The following HOXC4 variants were observed in gnomAD, a reference collection of about 807,000 sequenced individuals.
HOXC4 encodes homeobox protein Hox-C4.
HOXC4 carries 15 observed loss-of-function variants against 25.5 expected under a neutral mutation model. That is an observed-to-expected ratio of 0.59 (90% confidence interval 0.39 to 0.91). HOXC4 has a LOEUF of 0.91. HOXC4 is among the 40% of genes least tolerant of loss of function. The pLI, the probability that HOXC4 is intolerant of heterozygous loss-of-function variation, is 0.00. For missense variants in HOXC4, 342 were observed against 352.4 expected (o/e 0.97, Z 0.24); for synonymous variants, 165 against 148.0 (o/e 1.11, Z -0.83).
intron 1 of HOXC4, chr12:54,029,506 T>TG (rs1940898526): frequency 2.1e-6 from 1 of 487,190 alleles, no homozygotes; most frequent in Middle Eastern, 7.4e-4. Flanking sequence ...CCAGTGGGGG[T>TG]GGGGCAAGGC....
At chr12:54,029,035 C>T (rs1474625982) in intron 1 of HOXC4, 3 of 1,017,204 alleles carry the variant, frequency 2.9e-6, no homozygotes, top group Admixed American at 2.7e-5. Context: ...AACAATCACG[C>T]TCGTCTCCTC....
At chr12:54,033,036 G>T in intron 1 of HOXC4, 2 of 1,073,562 alleles carry the variant, frequency 1.9e-6, no homozygotes, top group Non-Finnish European at 2.7e-6. Flanking sequence ...TGTCCACTTT[G>T]GAGAACAAAA....
chr12:54,023,129 A>G (rs1283343029), intron 1 of HOXC4, among the ~76,000 whole-genome samples: 5 of 152,158 alleles, frequency 3.3e-5, no homozygotes, highest in African/African-American at 1.2e-4. Flanking sequence ...GCTCTCCCCA[A>G]GCCCCCTCCT....
At chr12:54,029,392 C>G (rs1424270423) in intron 1 of HOXC4, among the ~76,000 whole-genome samples, 1 of 139,866 alleles carries the variant, frequency 7.1e-6, no homozygotes, top group Non-Finnish European at 1.5e-5. Context: ...TTTCTGTTTG[C>G]CTTTTGCCCC....
chr12:54,043,417 A>G (rs1443988980), intron 1 of HOXC4, among the ~76,000 whole-genome samples: 2 of 152,142 alleles, frequency 1.3e-5, no homozygotes, highest in Non-Finnish European at 2.9e-5. Context: ...CTGGCCCTGA[A>G]CACCAGAATA....
chr12:54,019,344 A>G (rs946790943), intron 1 of HOXC4, among the ~76,000 whole-genome samples: 12 of 152,268 alleles, frequency 7.9e-5, no homozygotes, highest in Non-Finnish European at 1.5e-4. Context: ...GGCACGGCCC[A>G]GTGGCTGATG....
At chr12:54,025,535 G>C (rs983361942) in intron 1 of HOXC4, among the ~76,000 whole-genome samples, 5 of 103,466 alleles carry the variant, frequency 4.8e-5, no homozygotes, top group African/African-American at 1.8e-4. Flanking sequence ...ATTGGGGGGG[G>C]GGGAGGTGTT....
chr12:54,047,071 T>C (rs907415856), intron 1 of HOXC4, among the ~76,000 whole-genome samples: 1 of 152,208 alleles, frequency 6.6e-6, no homozygotes, highest in African/African-American at 2.4e-5. Context: ...CTTCTGGTGC[T>C]TCTCGCCCGC....
intron 1 of HOXC4, among the ~76,000 whole-genome samples, chr12:54,045,884 C>T (rs1400845697): frequency 1.3e-5 from 2 of 152,170 alleles, no homozygotes; most frequent in African/African-American, 4.8e-5. Flanking sequence ...TCATAGACTG[C>T]CTCCAGGCTG....
chr12:54,031,596 T>C (rs1044357649), intron 1 of HOXC4, among the ~76,000 whole-genome samples: 1 of 152,122 alleles, frequency 6.6e-6, no homozygotes, highest in African/African-American at 2.4e-5. Context: ...CAGAGAAACC[T>C]GAGTGGGCCT....
intron 1 of HOXC4, chr12:54,034,418 A>G: frequency 6.2e-7 from 1 of 1,614,250 alleles, no homozygotes; most frequent in Non-Finnish European, 8.5e-7. Flanking sequence ...TGAGAGACAG[A>G]TCAAGATCTG....
intron 1 of HOXC4, among the ~76,000 whole-genome samples, chr12:54,031,793 T>G (rs1015744791): frequency 6.6e-6 from 1 of 152,148 alleles, no homozygotes; most frequent in African/African-American, 2.4e-5. Flanking sequence ...GACTTGGGGC[T>G]ACGGGGGAAG....
intron 1 of HOXC4, chr12:54,028,383 C>A: frequency 1.1e-6 from 1 of 911,108 alleles, no homozygotes; most frequent in Non-Finnish European, 1.6e-6. Flanking sequence ...TTGCGATTGG[C>A]TGGGAGGGGG....
At chr12:54,017,073 GGA>G (rs1171359568) in exon 1 of HOXC4, 1 of 152,112 alleles carries the variant, frequency 6.6e-6, no homozygotes, top group African/African-American at 2.4e-5. Context: ...GGATGGGAGG[GGA>G]GAGACAGAAG....
intron 1 of HOXC4, 83 bp downstream of exon 1, chr12:54,054,444 G>T: frequency 2.5e-6 from 2 of 804,780 alleles, no homozygotes; most frequent in South Asian, 1.9e-5. Flanking sequence ...TCTGGCCCCC[G>T]TCCTCCTTTC....
chr12:54,026,124 AG>A (rs955743170), intron 1 of HOXC4, among the ~76,000 whole-genome samples: 3 of 152,054 alleles, frequency 2.0e-5, no homozygotes, highest in Non-Finnish European at 4.4e-5. Flanking sequence ...CTGAAATTGG[AG>A]GGGGGGACAG....
intron 1 of HOXC4, chr12:54,033,461 G>A (rs1001521503): frequency 2.5e-6 from 4 of 1,598,676 alleles, no homozygotes; most frequent in Non-Finnish European, 3.4e-6. Context: ...AGCGAGCTAA[G>A]AGCAGTGGGG....
rs1048472756 is a variant in HOXC4 at position 54,055,751 on chromosome 12, G to C, written c.*546G>C. On this transcript the variant is annotated 3_prime_UTR_variant, in exon 2 of 2. Transcript: ENST00000430889. ...GAAGTTCTTTTGTATTATTGTTGGG[G>C]GGGGGTGTGGGAGGAGAGGGGGCGA... The C allele has an allele frequency of 1.3e-5, 2 of 152,448 alleles. No individual in the cohort carries two copies. The highest frequency in any genetic ancestry group is 2.1e-4 in the South Asian group (1 of 4,812). The allele number at this position is 152,448 out of a possible 1,614,324, so 9.4% of individuals were successfully genotyped here.
At chr12:54,046,547 A>G (rs1307409212) in intron 1 of HOXC4, among the ~76,000 whole-genome samples, 1 of 152,086 alleles carries the variant, frequency 6.6e-6, no homozygotes, top group Non-Finnish European at 1.5e-5. Flanking sequence ...ATATATATAT[A>G]TATATACACA....
Sources: allele counts gnomAD v4.1 joint callset (sites outside exome capture counted in the v4.1 genomes callset), GRCh38; gene constraint gnomAD v4.1.1; transcripts MANE v1.5; gene names NCBI Gene and HGNC (gene_info 2026-07-23, HGNC 2026-07-21).